SOX5: variants seen among roughly 807,000 people sequenced by gnomAD.
The protein encoded by SOX5 is SRY-box transcription factor 5.
A neutral mutation model predicts 92.0 loss-of-function variants in SOX5; 9 were observed. That is an observed-to-expected ratio of 0.10 (90% confidence interval 0.06 to 0.17). The LOEUF (loss-of-function observed/expected upper bound fraction) is 0.17, where lower values mean the gene tolerates loss of function less well. SOX5 is among the 10% of genes least tolerant of loss of function. The pLI, the probability that SOX5 is intolerant of heterozygous loss-of-function variation, is 1.00. For missense variants in SOX5, 642 were observed against 944.5 expected (o/e 0.68, Z 4.20); for synonymous variants, 344 against 336.3 (o/e 1.02, Z -0.25).
intron 4 of SOX5, among the ~76,000 whole-genome samples, chr12:24,004,667 G>T (rs1028743845): frequency 3.5e-4 from 54 of 152,214 alleles, no homozygotes; most frequent in African/African-American, 1.2e-3. Flanking sequence ...ATATATTGCT[G>T]CTGGGTATGT....
At chr12:23,861,227 C>T (rs921556491) in intron 2 of SOX5, among the ~76,000 whole-genome samples, 8 of 151,984 alleles carry the variant, frequency 5.3e-5, no homozygotes, top group African/African-American at 1.9e-4. Context: ...TGTGTCCTGC[C>T]TCTAAAATCC....
chr12:24,175,447 G>A (rs1954698738), intron 4 of SOX5, among the ~76,000 whole-genome samples: 1 of 152,244 alleles, frequency 6.6e-6, no homozygotes, highest in Non-Finnish European at 1.5e-5. Flanking sequence ...TGGAGAAACT[G>A]TCAGCTTCCT....
chr12:23,777,834 T>A (rs1480178671), intron 3 of SOX5, among the ~76,000 whole-genome samples: 2 of 152,198 alleles, frequency 1.3e-5, no homozygotes, highest in Admixed American at 1.3e-4. Context: ...TCAACGTACT[T>A]GCACTGAGTA....
chr12:24,137,626 G>A (rs148571219), intron 4 of SOX5, among the ~76,000 whole-genome samples: 58 of 152,102 alleles, frequency 3.8e-4, no homozygotes, highest in African/African-American at 8.0e-4. Flanking sequence ...GGGAGACTCC[G>A]TCTCAAAAAA....
At chr12:23,573,372 T>C (rs1316799176) in intron 10 of SOX5, among the ~76,000 whole-genome samples, 1 of 152,182 alleles carries the variant, frequency 6.6e-6, no homozygotes, top group Non-Finnish European at 1.5e-5. Context: ...TCTGTCAGTC[T>C]ACCTGTCCAT....
chr12:24,313,618 C>T (rs7978280), intron 2 of SOX5, among the ~76,000 whole-genome samples: 69,539 of 152,102 alleles, frequency 0.46, 17,546 homozygotes, highest in Admixed American at 0.62. Flanking sequence ...GAACTGATCA[C>T]TCGTGCTCCT....
At chr12:23,863,964 T>C (rs2096784522) in intron 2 of SOX5, among the ~76,000 whole-genome samples, 4 of 151,202 alleles carry the variant, frequency 2.6e-5, no homozygotes, top group Admixed American at 1.3e-4. Context: ...TGCTTTACTG[T>C]GCTCCACAAA....
At chr12:23,599,678 G>A (rs146884572) in intron 9 of SOX5, among the ~76,000 whole-genome samples, 1 of 152,192 alleles carries the variant, frequency 6.6e-6, no homozygotes, top group African/African-American at 2.4e-5. Context: ...CACTTACAAT[G>A]TGAAGTTTGG....
chr12:24,264,045 TA>T (rs1942654988), intron 3 of SOX5, among the ~76,000 whole-genome samples: 1 of 152,222 alleles, frequency 6.6e-6, no homozygotes, highest in Non-Finnish European at 1.5e-5. Flanking sequence ...ATTTTTAATG[TA>T]ATTTAAATAT....
chr12:24,444,854 A>G (rs1321893510), intron 1 of SOX5, among the ~76,000 whole-genome samples: 4 of 152,158 alleles, frequency 2.6e-5, no homozygotes, highest in African/African-American at 7.2e-5. Flanking sequence ...CAACCTCTCT[A>G]TCTGCCCATC....
chr12:23,642,806 G>GTCAGACTAGGATGGTGACATGGGGAT (rs1592867496), intron 7 of SOX5, among the ~76,000 whole-genome samples: 1 of 147,898 alleles, frequency 6.8e-6, no homozygotes, highest in African/African-American at 2.4e-5. Flanking sequence ...GGTAATTATG[G>GTCAGACTAGGATGGTGACATGGGGAT]GCCGGGCGCG....
chr12:23,935,150 T>A (rs1316430233), intron 1 of SOX5, among the ~76,000 whole-genome samples: 1 of 151,278 alleles, frequency 6.6e-6, no homozygotes, highest in Non-Finnish European at 1.5e-5. Flanking sequence ...CATTCCCCAA[T>A]GCCTCGTTAC....
At chr12:24,542,586 C>T (rs1407499969) in intron 1 of SOX5, among the ~76,000 whole-genome samples, 2 of 152,204 alleles carry the variant, frequency 1.3e-5, no homozygotes, top group African/African-American at 4.8e-5. Flanking sequence ...TAGTAACCCA[C>T]ACCATCCTGC....
intron 2 of SOX5, among the ~76,000 whole-genome samples, chr12:24,329,699 T>C (rs1951080823): frequency 6.6e-6 from 1 of 151,940 alleles, no homozygotes; most frequent in Admixed American, 6.6e-5. Flanking sequence ...GTGTTGTTAA[T>C]TTTCGATATA....
At chr12:23,686,172 G>T (rs995570838) in intron 6 of SOX5, among the ~76,000 whole-genome samples, 1 of 152,028 alleles carries the variant, frequency 6.6e-6, no homozygotes, top group Non-Finnish European at 1.5e-5. Context: ...AATAGTATCA[G>T]GTTCTTTTGA....
chr12:23,970,841 A>ATATATATATATATATATATATATAATT, intron 4 of SOX5, among the ~76,000 whole-genome samples: 5 of 21,880 alleles, frequency 2.3e-4, no homozygotes, highest in Admixed American at 7.7e-4. Context: ...TATATATATA[A>ATATATATATATATATATATATATAATT]TTTTTTTTTT....
chr12:24,315,121 A>AC (rs1393510877), intron 2 of SOX5, among the ~76,000 whole-genome samples: 1 of 152,084 alleles, frequency 6.6e-6, no homozygotes, highest in East Asian at 1.9e-4. Context: ...CATTTACTCT[A>AC]CCTCTAGTAT....
At chr12:24,459,889 C>T (rs980992676) in intron 1 of SOX5, among the ~76,000 whole-genome samples, 3 of 152,066 alleles carry the variant, frequency 2.0e-5, no homozygotes, top group Non-Finnish European at 2.9e-5. Context: ...TTTTAGTTAT[C>T]GTACATTTTA....
chr12:23,802,441 G>A, intron 3 of SOX5, among the ~76,000 whole-genome samples: 2 of 152,180 alleles, frequency 1.3e-5, no homozygotes, highest in Non-Finnish European at 2.9e-5. Context: ...GCAAGTCTAT[G>A]GATATGCACA....
Sources: allele counts gnomAD v4.1 joint callset (sites outside exome capture counted in the v4.1 genomes callset), GRCh38; gene constraint gnomAD v4.1.1; transcripts MANE v1.5; gene names NCBI Gene and HGNC (gene_info 2026-07-23, HGNC 2026-07-21).